Variants in GBP7 observed in about 807,000 individuals in gnomAD.
GBP7 encodes the protein guanylate-binding protein 7.
GBP7 carries 43 observed loss-of-function variants against 61.3 expected under a neutral mutation model. That is an observed-to-expected ratio of 0.70 (90% CI 0.55 to 0.91). The LOEUF (loss-of-function observed/expected upper bound fraction) is 0.91, where lower values mean the gene tolerates loss of function less well. Ranked by LOEUF, GBP7 falls within the 40% of genes least tolerant of loss-of-function variation. The pLI, the probability that GBP7 is intolerant of heterozygous loss-of-function variation, is 0.00. For missense variants in GBP7, 717 were observed against 740.5 expected, an observed-to-expected ratio of 0.97 and a Z score of 0.37; for synonymous variants, 267 against 271.0, an observed-to-expected ratio of 0.99 and a Z score of 0.14.
chr1:89,156,700 C>A (rs1200252673), intron 3 of GBP7, among the ~76,000 whole-genome samples: 1 of 152,186 alleles, frequency 6.6e-6, no homozygotes, highest in Non-Finnish European at 1.5e-5. Flanking sequence ...CACCCAGATT[C>A]ATAAAGCAAG....
Position 89,132,536 on chromosome 1 carries a change from G to C in GBP7, c.1663-133C>G. 4.5e-6 allele frequency: 3 copies of C among 664,894 alleles called. 1 individual carries two copies. In the South Asian group the frequency reaches 5.9e-5, roughly 13 times the overall value. 41.2% of individuals were successfully genotyped at this position (664,894 alleles called of 1,614,324 possible). A position where few individuals can be genotyped will look rare whatever the true frequency, so the allele number is the denominator to read the frequency against. On this transcript the variant is annotated intron_variant, in intron 10 of 10. Transcript: ENST00000294671. ...TAGAAAATCTTTGATGAGTTGGTCT[G>C]ACATTTCCAGATGACTGGACCTAAA...
intron 6 of GBP7, 41 bp downstream of exon 6, chr1:89,150,289 A>G (rs1330422696): frequency 6.3e-7 from 1 of 1,579,220 alleles, no homozygotes; most frequent in Non-Finnish European, 8.7e-7. Flanking sequence ...TTTGAGATAC[A>G]GTAGGCCTCA....
At chr1:89,141,410 A>AT in intron 9 of GBP7, 136 bp downstream of exon 9, 1 of 587,036 alleles carries the variant, frequency 1.7e-6, no homozygotes, top group Non-Finnish European at 2.9e-6. Flanking sequence ...TCCCCTTGTT[A>AT]TTTTCAGTTT....
At chr1:89,160,059 C>T (rs1321871053) in intron 3 of GBP7, among the ~76,000 whole-genome samples, 1 of 152,140 alleles carries the variant, frequency 6.6e-6, no homozygotes, top group African/African-American at 2.4e-5. Flanking sequence ...ATGTCCTTTG[C>T]AGGGACATGG....
intron 3 of GBP7, among the ~76,000 whole-genome samples, chr1:89,162,306 C>T (rs534789536): frequency 2.0e-5 from 3 of 152,180 alleles, no homozygotes; most frequent in East Asian, 1.9e-4. Context: ...TTTTCTAATT[C>T]TGTGAAGAAT....
chr1:89,141,676 T>G, intron 8 of GBP7, 28 bp from the exon 9 acceptor site: 1 of 1,563,882 alleles, frequency 6.4e-7, no homozygotes, highest in Non-Finnish European at 8.8e-7. Flanking sequence ...AGCAAAGACC[T>G]GTCAGGCAGC....
At position 89,132,326 on chromosome 1, in the gene GBP7, T is replaced by A. The variant is rs1333252972; in HGVS notation, c.1740A>T (p.Glu580Asp). ...CTTCATTTTCAGCTGCTTCAATTTG[T>A]TCTTTCAGTCGATTAATCTCTTCAT... is the stretch of plus-strand genomic sequence containing the variant. ...SLNEEINRLK[E>D]QIEAAENEEP... The change falls in exon 11 of 11, where the codon GAA becomes GAT. Residue 580 changes from glutamate to aspartate, a missense_variant. Glu to Asp is a conservative substitution (Grantham distance 45, BLOSUM62 2). Coordinates refer to ENST00000294671, the MANE Select transcript of GBP7 (RefSeq NM_207398.3). The A allele has an allele frequency of 1.2e-6, 2 of 1,613,816 alleles. No individual in the cohort carries two copies. The highest frequency in any genetic ancestry group is 8.5e-7 in the Non-Finnish European group (1 of 1,179,770).
rs1570352783 is a variant in GBP7, at chr1:89,152,759, A to G, written c.337T>C (p.Ser113Pro). The G allele has an allele frequency of 1.9e-6, 3 of 1,605,876 alleles. No individual in the cohort carries two copies. The East Asian group carries it at 6.7e-5, about 36-fold the overall frequency. Reference sequence around the variant, plus strand: ...AGCACAGCCAGGGCAAAGATCCACGAGTCACTCTTAGGGTCACTCTAGTGT... The same window carrying G: ...AGCACAGCCAGGGCAAAGATCCACGGGTCACTCTTAGGGTCACTCTAGTGT... ...DMEKSDPKSD[S>P]WIFALAVLLS... Residue 113 changes from serine to proline, a missense_variant, in exon 4 of 11, where the codon TCG (serine) becomes CCG (proline). Ser to Pro is a moderately conservative substitution (Grantham distance 74). Transcript: ENST00000294671.
rs774021469 is a variant in GBP7 at position 89,133,293 on chromosome 1, T to C, written c.1627A>G (p.Arg543Gly). The change falls in exon 10 of 11, where the codon AGA (arginine) becomes GGA (glycine). Residue 543 changes from arginine to glycine, a missense_variant. Arg to Gly is a moderately radical substitution (Grantham distance 125, BLOSUM62 -2). This residue lies in a region of GBP7 where 312 missense variants were observed against 310.1 expected (regional missense o/e 1.01). Transcript: ENST00000294671. ...TGACTCAACATCTTTCTCAGTTCTC[T>C]CATATAGTTTTCCCTTTCCCTCTCC... is the stretch of plus-strand genomic sequence containing the variant. Reference protein sequence around the residue: ...KMERERENYMRELRKMLSHKM... With the variant: ...KMERERENYMGELRKMLSHKM... The C allele has an allele frequency of 6.2e-7, 1 of 1,614,056 alleles. No individual in the cohort carries two copies. Among genetic ancestry groups the C allele is most frequent in the South Asian group, 1.1e-5 (1 of 91,072 alleles).
In GBP7 at chr1:89,149,331, G is replaced by A; in HGVS notation, c.1113C>T (p.Ser371=). 6.2e-7 allele frequency: 1 copy of A among 1,613,086 alleles called. No homozygotes were observed. Among genetic ancestry groups the A allele is most frequent in the Non-Finnish European group, 8.5e-7 (1 of 1,179,364 alleles). ...REAIAVFMEY[S]FKDKSQEFQK... is the part of the protein sequence containing the mutation. ...GAAATTCCTGGCTTTTATCTTTGAA[G>A]GAGTACTCCATGAAGACTGCAATGG... Residue 371 remains serine (S), a synonymous_variant, in exon 7 of 11, where the codon TCC becomes TCT. Coordinates refer to ENST00000294671, the MANE Select transcript of GBP7 (RefSeq NM_207398.3).
intron 3 of GBP7, among the ~76,000 whole-genome samples, chr1:89,162,259 C>T (rs1647295399): frequency 6.6e-6 from 1 of 152,024 alleles, no homozygotes; most frequent in Admixed American, 6.6e-5. Flanking sequence ...TGCCTGAGCT[C>T]TTTTTCTGTC....
At position 89,152,389 on chromosome 1, in the gene GBP7, C is replaced by T; in HGVS notation, c.504G>A (p.Glu168=). The change falls in exon 5 of 11, where the codon GAG becomes GAA. Residue 168 remains glutamate (E), a synonymous_variant. Coordinates refer to ENST00000294671, the MANE Select transcript of GBP7 (RefSeq NM_207398.3). ...TAAAGTCTGGAAAGAAACTCACAAA[C>T]TCGCTGGAGTCCTCAACTTCATCAG... The part of the protein sequence containing the change: ...PRPDEVEDSS[E]FVSFFPDFIW... 1 of 1,614,130 alleles carries T rather than the reference C, an allele frequency of 6.2e-7. No homozygotes were observed. Among genetic ancestry groups the T allele is most frequent in the African/African-American group, 1.3e-5 (1 of 75,014 alleles).
At chr1:89,140,876 A>C (rs2100639478) in intron 9 of GBP7, among the ~76,000 whole-genome samples, 1 of 152,320 alleles carries the variant, frequency 6.6e-6, no homozygotes, top group East Asian at 1.9e-4. Context: ...CCATAAAATG[A>C]ATGAAATAAT....
chr1:89,169,561 C>A (rs1178338915), intron 2 of GBP7, among the ~76,000 whole-genome samples: 1 of 152,184 alleles, frequency 6.6e-6, no homozygotes, highest in Non-Finnish European at 1.5e-5. Flanking sequence ...TTATCTACAA[C>A]CTGGACTAAA....
At chr1:89,166,547 C>T (rs932302911) in intron 2 of GBP7, among the ~76,000 whole-genome samples, 2 of 152,098 alleles carry the variant, frequency 1.3e-5, no homozygotes, top group African/African-American at 4.8e-5. Context: ...TATTAGAATA[C>T]CGCAGGAATT....
At chr1:89,164,678 A>T (rs552344478) in intron 3 of GBP7, 53 bp downstream of exon 3, 1 of 1,579,858 alleles carries the variant, frequency 6.3e-7, no homozygotes, top group African/African-American at 1.3e-5. Context: ...TATGCATAAA[A>T]ACATAAATAG....
intron 2 of GBP7, among the ~76,000 whole-genome samples, chr1:89,165,494 C>T (rs1441339808): frequency 3.4e-5 from 4 of 117,108 alleles, no homozygotes; most frequent in African/African-American, 1.5e-4. Context: ...GAGTGAGACT[C>T]CGTCTCAAAA....
intron 8 of GBP7, 56 bp from the exon 9 acceptor site, chr1:89,141,704 A>G: frequency 7.4e-7 from 1 of 1,357,692 alleles, no homozygotes; most frequent in Non-Finnish European, 1.1e-6. Context: ...TTGTCTTGTG[A>G]TGAGGAAATT....
chr1:89,140,968 G>C (rs1306267106), intron 9 of GBP7, among the ~76,000 whole-genome samples: 1 of 152,154 alleles, frequency 6.6e-6, no homozygotes, highest in Non-Finnish European at 1.5e-5. Context: ...AATATCACAT[G>C]TTCTTACTTA....
Sources: gnomAD v4.1 joint callset for allele counts (sites outside exome capture counted in the v4.1 genomes callset) on GRCh38, gnomAD v4.1.1 for gene constraint, gnomAD v4.1.1 regional missense constraint, MANE v1.5 for transcripts, NCBI Gene and HGNC (gene_info 2026-07-23, HGNC 2026-07-21) for gene names.